Variants in NLK observed in about 807,000 individuals in gnomAD.
NLK encodes serine/threonine-protein kinase NLK.
A neutral mutation model predicts 59.0 loss-of-function variants in NLK; 11 were observed. The observed-to-expected ratio is 0.19, with a 90% CI of 0.12 to 0.31. The LOEUF (loss-of-function observed/expected upper bound fraction) is 0.31. Ranked by LOEUF, NLK falls within the 10% of genes least tolerant of loss-of-function variation. NLK has a pLI of 1.00. For missense variants in NLK, 410 were observed against 661.1 expected, an observed-to-expected ratio of 0.62 and a Z score of 4.16; for synonymous variants, 235 against 235.9, an observed-to-expected ratio of 1.00 and a Z score of 0.03.
chr17:28,070,567 G>A (rs1344278631), intron 1 of NLK, among the ~76,000 whole-genome samples: 1 of 151,534 alleles, frequency 6.6e-6, no homozygotes. Context: ...TGGCCAGGAT[G>A]GTCTTGATCT....
At chr17:28,108,939 T>C (rs565345191) in intron 1 of NLK, among the ~76,000 whole-genome samples, 2 of 151,754 alleles carry the variant, frequency 1.3e-5, no homozygotes, top group African/African-American at 4.8e-5. Context: ...GAGGCTGAGG[T>C]GGGCGGATCA....
At chr17:28,201,609 G>A in the NLK span, among the ~76,000 whole-genome samples, 1 of 152,180 alleles carries the variant, frequency 6.6e-6, no homozygotes, top group African/African-American at 2.4e-5. Context: ...TCAGGAATAT[G>A]TATTTTAAAA....
chr17:28,153,274 CAAA>C (rs1281657628), intron 3 of NLK, among the ~76,000 whole-genome samples: 5 of 104,718 alleles, frequency 4.8e-5, no homozygotes, highest in East Asian at 5.6e-4. Context: ...AATTCCCCCT[CAAA>C]AAAAAAAAAA....
chr17:28,201,906 C>T, the NLK span, among the ~76,000 whole-genome samples: 1 of 151,862 alleles, frequency 6.6e-6, no homozygotes, highest in Non-Finnish European at 1.5e-5. Flanking sequence ...GTCCCAGACA[C>T]TTAGGAGGCT....
At chr17:28,202,126 C>G in the NLK span, among the ~76,000 whole-genome samples, 1 of 152,138 alleles carries the variant, frequency 6.6e-6, no homozygotes, top group Non-Finnish European at 1.5e-5. Flanking sequence ...CCCGACTGGG[C>G]CACTCAGACC....
chr17:28,160,876 C>T (rs1367517814), intron 3 of NLK, among the ~76,000 whole-genome samples: 2 of 152,104 alleles, frequency 1.3e-5, no homozygotes, highest in Non-Finnish European at 2.9e-5. Flanking sequence ...TTTTCCTGGC[C>T]TGGCTGTTAT....
intron 1 of NLK, among the ~76,000 whole-genome samples, chr17:28,099,568 CTTT>C (rs945214545): frequency 8.1e-6 from 1 of 122,934 alleles, no homozygotes. Flanking sequence ...TTGTGTTTGA[CTTT>C]TTTTTTTTTT....
At chr17:28,203,971 C>T in the NLK span, among the ~76,000 whole-genome samples, 2 of 152,212 alleles carry the variant, frequency 1.3e-5, no homozygotes, top group African/African-American at 2.4e-5. Flanking sequence ...TTTCTTCCCT[C>T]GTTTCCCCGC....
chr17:28,112,819 C>T (rs1474125094), intron 1 of NLK, among the ~76,000 whole-genome samples: 2 of 152,046 alleles, frequency 1.3e-5, no homozygotes, highest in East Asian at 1.9e-4. Flanking sequence ...TTGCTGACAG[C>T]GCTTTCCTGT....
chr17:28,188,224 AAATT>A (rs1466291753), intron 8 of NLK, among the ~76,000 whole-genome samples: 1 of 152,174 alleles, frequency 6.6e-6, no homozygotes, highest in Non-Finnish European at 1.5e-5. Flanking sequence ...AAAAAGAAAG[AAATT>A]AATTTATTTA....
chr17:28,061,548 A>C (rs1156423963), intron 1 of NLK, among the ~76,000 whole-genome samples: 1 of 152,016 alleles, frequency 6.6e-6, no homozygotes, highest in African/African-American at 2.4e-5. Flanking sequence ...CAGAATACGA[A>C]AGTGGCTAAT....
At chr17:28,157,250 G>A (rs1597714872) in intron 3 of NLK, among the ~76,000 whole-genome samples, 1 of 152,016 alleles carries the variant, frequency 6.6e-6, no homozygotes, top group African/African-American at 2.4e-5. Flanking sequence ...GGAGTGCAGT[G>A]GTGCGATCTC....
intron 1 of NLK, among the ~76,000 whole-genome samples, chr17:28,046,343 G>T (rs575432924): frequency 3.9e-5 from 6 of 152,260 alleles, no homozygotes; most frequent in Non-Finnish European, 7.4e-5. Flanking sequence ...GTTCAATTAA[G>T]GTTTCATTAA....
intron 1 of NLK, among the ~76,000 whole-genome samples, chr17:28,106,848 A>G (rs1006189130): frequency 2.0e-5 from 3 of 152,230 alleles, no homozygotes; most frequent in Admixed American, 2.0e-4. Flanking sequence ...AGCTTAACTC[A>G]TAATTTTGTT....
chr17:28,077,214 G>C (rs1463268115), intron 1 of NLK, among the ~76,000 whole-genome samples: 1 of 150,660 alleles, frequency 6.6e-6, no homozygotes, highest in Non-Finnish European at 1.5e-5. Context: ...AGACGTGCTT[G>C]AGACTGGGAA....
intron 9 of NLK, among the ~76,000 whole-genome samples, chr17:28,191,531 A>T (rs995142291): frequency 6.6e-6 from 1 of 152,240 alleles, no homozygotes; most frequent in Non-Finnish European, 1.5e-5. Context: ...TTTATATAAC[A>T]TACAAAGTTC....
At chr17:28,082,120 C>G (rs1910367619) in intron 1 of NLK, among the ~76,000 whole-genome samples, 2 of 152,182 alleles carry the variant, frequency 1.3e-5, no homozygotes, top group African/African-American at 4.8e-5. Flanking sequence ...CCATGCTAGT[C>G]TCGAACTCCT....
At chr17:28,184,779 C>T (rs1016842869) in intron 7 of NLK, among the ~76,000 whole-genome samples, 1 of 152,004 alleles carries the variant, frequency 6.6e-6, no homozygotes, top group Non-Finnish European at 1.5e-5. Context: ...AAAACCCCTT[C>T]TCTACTAAAA....
chr17:28,103,486 G>A (rs997873393), intron 1 of NLK, among the ~76,000 whole-genome samples: 1 of 152,134 alleles, frequency 6.6e-6, no homozygotes, highest in Non-Finnish European at 1.5e-5. Context: ...GCTTCACATA[G>A]TCAATACATA....
Sources: gnomAD v4.1 joint callset for allele counts (sites outside exome capture counted in the v4.1 genomes callset) on GRCh38, gnomAD v4.1.1 for gene constraint, MANE v1.5 for transcripts, NCBI Gene and HGNC (gene_info 2026-07-23, HGNC 2026-07-21) for gene names.